Variants in ALDOB observed in about 807,000 individuals in gnomAD.
The protein encoded by ALDOB is aldolase, fructose-bisphosphate B.
In ALDOB, 39 loss-of-function variants were observed where a neutral mutation model predicts 41.0. The ratio of observed to expected loss-of-function variants is 0.95; its 90% CI spans 0.74 to 1.24. The LOEUF is 1.24. ALDOB is among the 50% of genes most tolerant of loss of function. ALDOB has a pLI of 0.00. For synonymous variants in ALDOB, 175 were observed against 168.8 expected (o/e 1.04, Z -0.28); for missense variants, 530 against 457.3 (o/e 1.16, Z -1.45).
chr9:101,427,425 A>G, intron 5 of ALDOB, 57 bp downstream of exon 5: 1 of 1,598,902 alleles, frequency 6.3e-7, no homozygotes. Flanking sequence ...TTGAAAAGAA[A>G]AGCTCTGAAG....
Position 101,425,557 on chromosome 9 carries a change from T to G in ALDOB, c.695A>C (p.Asn232Thr). The G allele has an allele frequency of 1.2e-6, 2 of 1,614,144 alleles. No homozygotes were observed. The highest frequency in any genetic ancestry group is 1.7e-6 in the Non-Finnish European group (2 of 1,180,012). Residue 232 changes from asparagine (N) to threonine (T), a missense_variant, in exon 7 of 9, where the codon AAC becomes ACC. Asn to Thr is a moderately conservative substitution (Grantham distance 65). Transcript: ENST00000647789. ...GCAGGCATGTCCAGCAGTCACCATG[T>G]TGGGCTTTAGCAGGGTGCCCTCCAG... ...VYLEGTLLKP[N>T]MVTAGHACTK...
rs751674905 is a variant in ALDOB at position 101,430,849 on chromosome 9, C to A, written c.39G>T (p.Lys13Asn). 6.2e-7 allele frequency: 1 copy of A among 1,614,060 alleles called. No individual in the cohort carries two copies. The highest frequency in any genetic ancestry group is 8.5e-7 in the Non-Finnish European group (1 of 1,180,008). Residue 13 changes from lysine to asparagine, a missense_variant, in exon 2 of 9, where the codon AAG (lysine) becomes AAT (asparagine). Lys to Asn is a moderately conservative substitution (Grantham distance 94). Transcript: ENST00000647789. ...HRFPALTQEQKKELSEIAQSI... is the reference protein window; with the variant it reads ...HRFPALTQEQNKELSEIAQSI... ...TCTGGGCAATTTCTGAGAGCTCCTT[C>A]TTCTGCTCCTGGGTGAGGGCTGGAA...
At chr9:101,428,440 T>C in intron 4 of ALDOB, 29 bp downstream of exon 4, 1 of 1,602,650 alleles carries the variant, frequency 6.2e-7, no homozygotes, top group Non-Finnish European at 8.6e-7. Flanking sequence ...TACACTGGCA[T>C]GATTCATCTC....
In ALDOB at chr9:101,428,463, C is replaced by A. The variant is rs1269668954; in HGVS notation, c.379+6G>T. On this transcript the variant is annotated splice_donor_region_variant and intron_variant, in intron 4 of 8. Transcript: ENST00000647789. ...CATGATTCATCTCAGTGGGCAATAT[C>A]CTTACCTTGAATGGTGGTTTCTTTG... 3 of 1,613,372 alleles carry A rather than the reference C, an allele frequency of 1.9e-6. No homozygotes were observed. The East Asian group carries it at 6.7e-5, about 36-fold the overall frequency.
At chr9:101,427,417 G>GA (rs1195407418) in intron 5 of ALDOB, 65 bp downstream of exon 5, 4 of 1,585,590 alleles carry the variant, frequency 2.5e-6, no homozygotes, top group Admixed American at 1.7e-5. Context: ...TAGTATAATT[G>GA]AAAAGAAAAG....
intron 2 of ALDOB, 142 bp from the exon 3 acceptor site, chr9:101,430,108 T>A: frequency 1.2e-6 from 1 of 819,410 alleles, no homozygotes; most frequent in Non-Finnish European, 2.0e-6. Flanking sequence ...GCTTCAATTT[T>A]TTGTGTTCCA....
At chr9:101,426,295 A>C (rs1224595046) in intron 6 of ALDOB, among the ~76,000 whole-genome samples, 1 of 152,228 alleles carries the variant, frequency 6.6e-6, no homozygotes, top group Non-Finnish European at 1.5e-5. Flanking sequence ...AAAAGAGATA[A>C]TATGACTTGC....
chr9:101,430,918 G>A (rs768637541), intron 1 of ALDOB, 21 bp from the exon 2 acceptor site: 1 of 1,534,750 alleles, frequency 6.5e-7, no homozygotes, highest in Admixed American at 1.7e-5. Context: ...GTGTGCGAGA[G>A]TTGTGCACAG....
At position 101,426,569 on chromosome 9, in the gene ALDOB, A is replaced by C. The variant is rs374240733; in HGVS notation, c.610T>G (p.Tyr204Asp). The change falls in exon 6 of 9, where the codon TAT becomes GAT. Residue 204 changes from tyrosine to aspartate, a missense_variant. Transcript: ENST00000647789. The stretch of plus-strand genomic sequence containing the variant: ...TTAAAACTTACCTTCTCAGTAACAT[A>C]CTGGCAGTGTTCCAGGTCATGGTCT... ...DGDHDLEHCQ[Y>D]VTEKVLAAVY... 6.2e-7 allele frequency: 1 copy of C among 1,610,266 alleles called. No individual in the cohort carries two copies. Among genetic ancestry groups the C allele is most frequent in the African/African-American group, 1.3e-5 (1 of 74,864 alleles).
intron 6 of ALDOB, among the ~76,000 whole-genome samples, chr9:101,426,307 C>T (rs980844986): frequency 6.6e-6 from 1 of 152,124 alleles, no homozygotes; most frequent in African/African-American, 2.4e-5. Flanking sequence ...ATGACTTGCC[C>T]AAGATCCCAC....
At chr9:101,435,184 A>G (rs1279376563) in intron 1 of ALDOB, among the ~76,000 whole-genome samples, 1 of 152,202 alleles carries the variant, frequency 6.6e-6, no homozygotes, top group Non-Finnish European at 1.5e-5. Flanking sequence ...TCATTTGAGC[A>G]GTGGGTGAAG....
intron 5 of ALDOB, 124 bp from the exon 6 acceptor site, chr9:101,426,762 G>T (rs1831135861): frequency 4.4e-6 from 3 of 686,224 alleles, no homozygotes; most frequent in Non-Finnish European, 8.0e-6. Context: ...CTACATAGAT[G>T]ACTTAAAGAC....
At chr9:101,429,300 G>C (rs530220653) in intron 3 of ALDOB, among the ~76,000 whole-genome samples, 53 of 151,914 alleles carry the variant, frequency 3.5e-4, no homozygotes, top group African/African-American at 1.1e-3. Flanking sequence ...TGGGACTACA[G>C]GCATGCACCA....
chr9:101,430,266 T>G (rs1831198372), intron 2 of ALDOB, among the ~76,000 whole-genome samples: 2 of 152,082 alleles, frequency 1.3e-5, no homozygotes, highest in Non-Finnish European at 2.9e-5. Flanking sequence ...TCCTCAGTCT[T>G]GCTGGATGTA....
At chr9:101,433,481 C>T (rs1266415139) in intron 1 of ALDOB, among the ~76,000 whole-genome samples, 3 of 152,170 alleles carry the variant, frequency 2.0e-5, no homozygotes, top group African/African-American at 7.2e-5. Flanking sequence ...GGAGGACAAC[C>T]TGGGATGGGT....
At chr9:101,432,234 T>G (rs1831230026) in intron 1 of ALDOB, among the ~76,000 whole-genome samples, 1 of 152,228 alleles carries the variant, frequency 6.6e-6, no homozygotes, top group Non-Finnish European at 1.5e-5. Flanking sequence ...GAGGTTCTTG[T>G]CTTACCCCAA....
chr9:101,432,872 G>A (rs1831241236), intron 1 of ALDOB, among the ~76,000 whole-genome samples: 1 of 152,180 alleles, frequency 6.6e-6, no homozygotes, highest in Admixed American at 6.5e-5. Flanking sequence ...ACACCCCAGA[G>A]TACCTTACGC....
chr9:101,435,322 T>C (rs1831275447), intron 1 of ALDOB, among the ~76,000 whole-genome samples: 1 of 152,126 alleles, frequency 6.6e-6, no homozygotes, highest in Non-Finnish European at 1.5e-5. Context: ...ATCACTAAAA[T>C]AAGTAGTTGT....
chr9:101,422,480 CTG>C (rs1176937068), intron 8 of ALDOB, among the ~76,000 whole-genome samples: 9 of 152,206 alleles, frequency 5.9e-5, no homozygotes, highest in Non-Finnish European at 1.2e-4. Context: ...GGTTCTCCAA[CTG>C]TGTTTCATGG....
Sources: gnomAD v4.1 joint callset for allele counts (sites outside exome capture counted in the v4.1 genomes callset) on GRCh38, gnomAD v4.1.1 for gene constraint, MANE v1.5 for transcripts, NCBI Gene and HGNC (gene_info 2026-07-23, HGNC 2026-07-21) for gene names.